MAP3K7: variants seen among roughly 807,000 people sequenced by gnomAD.
MAP3K7 encodes mitogen-activated protein kinase kinase kinase 7, also known as TGF-beta activated kinase 1.
In MAP3K7, 21 loss-of-function variants were observed where a neutral mutation model predicts 84.8. The observed-to-expected ratio is 0.25, with a 90% confidence interval of 0.18 to 0.36. The LOEUF is 0.36. MAP3K7 is among the 10% of genes least tolerant of loss of function. The pLI is 1.00. For missense variants in MAP3K7, 503 were observed against 747.7 expected (o/e 0.67, Z 3.82); for synonymous variants, 241 against 247.7 (o/e 0.97, Z 0.25).
At chr6:90,580,900 G>A (rs1246349529) in intron 1 of MAP3K7, among the ~76,000 whole-genome samples, 1 of 152,142 alleles carries the variant, frequency 6.6e-6, no homozygotes, top group African/African-American at 2.4e-5. Context: ...ATTACTTTAT[G>A]ATAAGCATTT....
intron 12 of MAP3K7, 90 bp from the exon 13 acceptor site, chr6:90,536,491 T>C: frequency 2.3e-6 from 2 of 883,736 alleles, no homozygotes; most frequent in African/African-American, 1.9e-5. Flanking sequence ...TGGAATTTGT[T>C]GCTCCTTGGA....
intron 15 of MAP3K7, among the ~76,000 whole-genome samples, chr6:90,518,810 T>C (rs1775055306): frequency 6.6e-6 from 1 of 151,868 alleles, no homozygotes; most frequent in East Asian, 1.9e-4. Context: ...TTGTAGTCTC[T>C]GGTATGACAT....
In MAP3K7 at chr6:90,527,931, T is replaced by G. The variant is rs1775378561; in HGVS notation, c.1357-4148A>C. On this transcript the variant is annotated intron_variant, in intron 13 of 16. Coordinates refer to ENST00000369329, the MANE Select transcript of MAP3K7 (RefSeq NM_145331.3). ...TCTCGCTCTGTCGCCCAGGCTGGAG[T>G]GCAGTGGCGCGATCTCGGCTCACTG... 1.8e-4 allele frequency among the ~76,000 whole-genome samples: 2 copies of G among 11,104 alleles called. 1 individual carries two copies. Among genetic ancestry groups the G allele is most frequent in the Admixed American group, 1.6e-3 (2 of 1,262 alleles). 7.3% of individuals were successfully genotyped at this position (11,104 alleles called of 152,430 possible). A position where few individuals can be genotyped will look rare whatever the true frequency, so the allele number is the denominator to read the frequency against.
intron 3 of MAP3K7, among the ~76,000 whole-genome samples, chr6:90,568,336 A>G (rs1027221508): frequency 6.6e-5 from 10 of 152,186 alleles, no homozygotes; most frequent in African/African-American, 9.7e-5. Flanking sequence ...TTGGTGACAT[A>G]TTGTGCGTGT....
Position 90,547,305 on chromosome 6 carries a change from A to G in MAP3K7, c.1163T>C (p.Met388Thr). 1 of 1,613,066 alleles carries G rather than the reference A, an allele frequency of 6.2e-7. No homozygotes were observed. Reference protein sequence around the residue: ...SLPPTSEGKRMSADMSEIEAR... With the variant: ...SLPPTSEGKRTSADMSEIEAR... ...TTCTATTTCAGACATGTCAGCACTC[A>G]TCCTCTTGCCCTCAGAGGTTGGGGG... The change falls in exon 11 of 17, where the codon ATG becomes ACG. Residue 388 changes from methionine to threonine, a missense_variant. Physicochemically the swap from Met to Thr is moderately conservative, Grantham distance 81. Coordinates refer to ENST00000369329, the MANE Select transcript of MAP3K7 (RefSeq NM_145331.3).
chr6:90,529,121 T>G (rs1160622281), intron 13 of MAP3K7, among the ~76,000 whole-genome samples: 4 of 152,236 alleles, frequency 2.6e-5, no homozygotes, highest in Non-Finnish European at 5.9e-5. Context: ...GTTCGTTTAC[T>G]GATTGTTACT....
intron 14 of MAP3K7, 92 bp from the exon 15 acceptor site, chr6:90,519,411 A>C: frequency 1.3e-6 from 1 of 757,388 alleles, no homozygotes. Flanking sequence ...TTTTTTCCCT[A>C]AAGTAAATAA....
At chr6:90,581,996 G>T (rs573267373) in intron 1 of MAP3K7, among the ~76,000 whole-genome samples, 2 of 152,264 alleles carry the variant, frequency 1.3e-5, no homozygotes, top group African/African-American at 4.8e-5. Flanking sequence ...TACAAATGCT[G>T]CAGTAATTTT....
At chr6:90,576,884 G>GGCAGAGGTTGGATCCT (rs1457989193) in intron 1 of MAP3K7, among the ~76,000 whole-genome samples, 2 of 152,162 alleles carry the variant, frequency 1.3e-5, no homozygotes, top group Non-Finnish European at 2.9e-5. Flanking sequence ...TGGAGGGACA[G>GGCAGAGGTTGGATCCT]GCAGAGGTTG....
In MAP3K7 at chr6:90,550,548, T is replaced by C. The variant is rs1776148164; in HGVS notation, c.869A>G (p.Tyr290Cys). ...IVKIMTHLMR[Y>C]FPGADEPLQY... is the part of the protein sequence containing the mutation. ...TAATGGCTCATCTGCTCCTGGAAAG[T>C]ACTATATATAAAAAAGTAAACCACA... is the stretch of plus-strand genomic sequence containing the variant. The change falls in exon 9 of 17, where the codon TAC becomes TGC. Residue 290 changes from tyrosine (Y) to cysteine (C), a missense_variant and splice_region_variant. Around this residue, in one of 5 missense-constraint regions of MAP3K7, gnomAD observed 286 missense variants for 313.6 expected, o/e 0.91. Transcript: ENST00000369329. The C allele has an allele frequency of 6.3e-7, 1 of 1,594,704 alleles. No individual in the cohort carries two copies. Among genetic ancestry groups the C allele is most frequent in the Non-Finnish European group, 8.6e-7 (1 of 1,166,418 alleles).
chr6:90,539,582 T>TTA (rs2127966894), intron 12 of MAP3K7, among the ~76,000 whole-genome samples: 1 of 152,028 alleles, frequency 6.6e-6, no homozygotes, highest in East Asian at 1.9e-4. Flanking sequence ...GAGGAAATAT[T>TTA]TAATAACTTA....
intron 1 of MAP3K7, among the ~76,000 whole-genome samples, chr6:90,579,201 T>C (rs1308675442): frequency 6.6e-6 from 1 of 152,200 alleles, no homozygotes; most frequent in Non-Finnish European, 1.5e-5. Context: ...AAAGATTATA[T>C]TCGAATCAGA....
chr6:90,553,959 A>G (rs1033549707), intron 6 of MAP3K7, among the ~76,000 whole-genome samples: 2 of 152,180 alleles, frequency 1.3e-5, no homozygotes, highest in African/African-American at 4.8e-5. Context: ...TTATTCTGAG[A>G]CAGGATCTCA....
intron 15 of MAP3K7, among the ~76,000 whole-genome samples, chr6:90,518,961 T>C (rs1447739008): frequency 6.6e-6 from 1 of 151,810 alleles, no homozygotes; most frequent in Non-Finnish European, 1.5e-5. Flanking sequence ...AATAAGCTTA[T>C]GAGTTTTGTT....
At position 90,587,023 on chromosome 6, in the gene MAP3K7, A is replaced by C; in HGVS notation, c.-140T>G. 1 of 1,060,150 alleles carries C rather than the reference A, an allele frequency of 9.4e-7. No individual in the cohort carries two copies. The highest frequency in any genetic ancestry group is 1.3e-6 in the Non-Finnish European group (1 of 788,466). 65.7% of individuals were successfully genotyped at this position (1,060,150 alleles called of 1,614,324 possible). On this transcript the variant is annotated 5_prime_UTR_variant, in exon 1 of 17. Coordinates refer to ENST00000369329, the MANE Select transcript of MAP3K7 (RefSeq NM_145331.3). ...ACCCGGCGATCCGTGGCGGGGGTAG[A>C]GGCAGCGGCCACAGCCGTGTCCGGC...
At chr6:90,574,244 G>T (rs555661719) in intron 1 of MAP3K7, among the ~76,000 whole-genome samples, 1 of 152,268 alleles carries the variant, frequency 6.6e-6, no homozygotes, top group African/African-American at 2.4e-5. Flanking sequence ...ATGAATCAGT[G>T]TAAAGGGCTG....
At chr6:90,520,443 A>G (rs1775112702) in intron 14 of MAP3K7, among the ~76,000 whole-genome samples, 1 of 151,874 alleles carries the variant, frequency 6.6e-6, no homozygotes. Context: ...AAGAAACTCC[A>G]AAAGCTAATT....
In MAP3K7 at chr6:90,556,482, A is replaced by G; in HGVS notation, c.607+18T>C. The G allele has an allele frequency of 1.2e-6, 2 of 1,608,144 alleles. No homozygotes were observed. Among genetic ancestry groups the G allele is most frequent in the African/African-American group, 2.7e-5 (2 of 74,640 alleles). ...AGTGAGGGAGATTATCAAACATACCATACTTTTGCCATTTTACCTTCAAAA... is the reference window on the plus strand; with the variant it reads ...AGTGAGGGAGATTATCAAACATACCGTACTTTTGCCATTTTACCTTCAAAA... On this transcript the variant is annotated intron_variant, in intron 6 of 16. Transcript: ENST00000369329.
At chr6:90,570,148 A>G (rs1307675781) in intron 2 of MAP3K7, among the ~76,000 whole-genome samples, 1 of 152,156 alleles carries the variant, frequency 6.6e-6, no homozygotes, top group Non-Finnish European at 1.5e-5. Flanking sequence ...ATTCCCACTA[A>G]GATGGTAAAG....
Sources: gnomAD v4.1 joint callset for allele counts (sites outside exome capture counted in the v4.1 genomes callset) on GRCh38, gnomAD v4.1.1 for gene constraint, gnomAD v4.1.1 regional missense constraint, MANE v1.5 for transcripts, NCBI Gene and HGNC (gene_info 2026-07-23, HGNC 2026-07-21) for gene names.